The following FER variants were observed in gnomAD, a reference collection of about 807,000 sequenced individuals.
The protein encoded by FER is FER tyrosine kinase, also known as tyrosine-protein kinase Fer.
Under a neutral mutation model 111.0 loss-of-function variants are expected in FER, and 63 were observed. The observed-to-expected ratio is 0.57, with a 90% CI of 0.46 to 0.70. The LOEUF (loss-of-function observed/expected upper bound fraction) is 0.70. Ranked by LOEUF, FER falls within the 30% of genes least tolerant of loss-of-function variation. The pLI, the probability that FER is intolerant of heterozygous loss-of-function variation, is 0.00. For missense variants in FER, 914 were observed against 954.0 expected (o/e 0.96, Z 0.55); for synonymous variants, 327 against 313.9 (o/e 1.04, Z -0.44).
At chr5:109,047,651 T>A (rs1772181218) in intron 16 of FER, among the ~76,000 whole-genome samples, 1 of 152,146 alleles carries the variant, frequency 6.6e-6, no homozygotes, top group Admixed American at 6.6e-5. Context: ...CTCAGGCTGG[T>A]CTTGAACTTC....
chr5:109,145,259 G>A (rs543955187), intron 17 of FER, among the ~76,000 whole-genome samples: 1 of 151,992 alleles, frequency 6.6e-6, no homozygotes, highest in Non-Finnish European at 1.5e-5. Context: ...CTCTCACTTG[G>A]ACTTGCACAG....
At chr5:108,833,348 A>G (rs1026823501) in intron 4 of FER, among the ~76,000 whole-genome samples, 3 of 152,160 alleles carry the variant, frequency 2.0e-5, no homozygotes, top group South Asian at 2.1e-4. Flanking sequence ...CTACATTCGG[A>G]GTCTGTCTCT....
intron 5 of FER, among the ~76,000 whole-genome samples, chr5:108,843,528 ATT>A (rs1269283630): frequency 1.4e-5 from 2 of 140,354 alleles, no homozygotes; most frequent in African/African-American, 2.6e-5. Flanking sequence ...TGAAAGTTGA[ATT>A]TTTTTTTTTT....
chr5:108,859,954 T>TATTATTATTATTATC (rs1763352704), intron 5 of FER, among the ~76,000 whole-genome samples: 2 of 149,286 alleles, frequency 1.3e-5, no homozygotes, highest in African/African-American at 4.9e-5. Flanking sequence ...TTATTATTAT[T>TATTATTATTATTATC]ATTTTGAGAT....
intron 6 of FER, among the ~76,000 whole-genome samples, chr5:108,869,114 A>G (rs1286755262): frequency 1.3e-5 from 2 of 152,130 alleles, no homozygotes; most frequent in African/African-American, 2.4e-5. Context: ...ATAAATGCCA[A>G]AGTAACTGTT....
rs899968134 is a variant in FER at position 108,767,156 on chromosome 5, C to A, written c.-205-937C>A. On this transcript the variant is annotated intron_variant, in intron 1 of 19. Coordinates refer to ENST00000281092, the MANE Select transcript of FER (RefSeq NM_005246.4). ...CTGTCTGTACTAAAAATGCAAGAAT[C>A]AGCTGGGCGTGGTGGTGCATGCCTG... Among the ~76,000 whole-genome samples the A allele has an allele frequency of 3.3e-5, 5 of 152,100 alleles. 1 individual carries two copies. The Middle Eastern group carries it at 0.014, about 414-fold the overall frequency.
chr5:109,016,833 G>T (rs562728542), intron 13 of FER, among the ~76,000 whole-genome samples: 1 of 152,070 alleles, frequency 6.6e-6, no homozygotes, highest in African/African-American at 2.4e-5. Context: ...GTCTTTATAG[G>T]TAGGGCTTTT....
intron 5 of FER, among the ~76,000 whole-genome samples, chr5:108,849,823 G>A (rs1371432001): frequency 2.6e-5 from 4 of 152,132 alleles, no homozygotes; most frequent in African/African-American, 4.8e-5. Flanking sequence ...AGGAGAAAAT[G>A]TAGAACATTG....
intron 17 of FER, among the ~76,000 whole-genome samples, chr5:109,130,212 A>G (rs1752211907): frequency 1.3e-5 from 2 of 152,096 alleles, no homozygotes; most frequent in Non-Finnish European, 1.5e-5. Context: ...GTGAAAATAC[A>G]TCTGATTAAT....
rs567607980 is a variant in FER at position 109,055,519 on chromosome 5, G to A, written c.1924+8321G>A. On this transcript the variant is annotated intron_variant, in intron 16 of 19. Transcript: ENST00000281092. ...TGGGCAGAGGAGGCTGGATGCAGTG[G>A]CTCATTCCTGTAATCCCAGCACTTT... is the stretch of plus-strand genomic sequence containing the variant. 1.1e-4 allele frequency among the ~76,000 whole-genome samples: 17 copies of A among 152,202 alleles called. No individual in the cohort carries two copies. In the East Asian group the frequency reaches 2.7e-3, roughly 24 times the overall value.
At chr5:109,097,218 C>A (rs980592270) in intron 16 of FER, among the ~76,000 whole-genome samples, 1 of 151,832 alleles carries the variant, frequency 6.6e-6, no homozygotes. Context: ...ATGTCCATGT[C>A]TTTTCACCAA....
chr5:108,793,519 C>CGGGGGGGGG (rs144848588), intron 2 of FER, among the ~76,000 whole-genome samples: 34 of 102,924 alleles, frequency 3.3e-4, no homozygotes, highest in South Asian at 5.9e-4. Flanking sequence ...TTTGGCGGGG[C>CGGGGGGGGG]GGGGGGGGTG....
chr5:109,182,424 G>A (rs1049363119), intron 18 of FER, among the ~76,000 whole-genome samples: 2 of 152,128 alleles, frequency 1.3e-5, no homozygotes, highest in African/African-American at 2.4e-5. Context: ...AAATGGCAGA[G>A]CTGCTATTTT....
At chr5:108,993,937 G>T (rs951848489) in intron 13 of FER, among the ~76,000 whole-genome samples, 1 of 152,104 alleles carries the variant, frequency 6.6e-6, no homozygotes, top group African/African-American at 2.4e-5. Context: ...TTTCAGAAGT[G>T]TCTGTTCATG....
chr5:108,826,240 A>T (rs1162255346), intron 3 of FER, among the ~76,000 whole-genome samples: 1 of 152,170 alleles, frequency 6.6e-6, no homozygotes, highest in Non-Finnish European at 1.5e-5. Context: ...AAAATTATTG[A>T]TTCGTGTATG....
intron 16 of FER, among the ~76,000 whole-genome samples, chr5:109,088,537 G>GAA (rs1777811738): frequency 2.0e-5 from 3 of 151,988 alleles, no homozygotes; most frequent in Admixed American, 6.6e-5. Flanking sequence ...TTGAGCATTG[G>GAA]GGTTGAGGTG....
At chr5:108,853,206 ATTTG>A (rs2150192436) in intron 5 of FER, among the ~76,000 whole-genome samples, 1 of 152,282 alleles carries the variant, frequency 6.6e-6, no homozygotes, top group South Asian at 2.1e-4. Context: ...TTAAAAATTG[ATTTG>A]TTTAAATTTC....
At chr5:109,099,061 G>A (rs1747883579) in intron 16 of FER, among the ~76,000 whole-genome samples, 1 of 151,594 alleles carries the variant, frequency 6.6e-6, no homozygotes, top group African/African-American at 2.4e-5. Context: ...TCTAGAAATG[G>A]CAAATAAAAT....
At chr5:108,770,813 A>T (rs536854872) in intron 2 of FER, among the ~76,000 whole-genome samples, 5 of 152,282 alleles carry the variant, frequency 3.3e-5, no homozygotes, top group African/African-American at 1.2e-4. Flanking sequence ...GGATATTTAT[A>T]TTCAGCTTCT....
Sources: allele counts gnomAD v4.1 joint callset (sites outside exome capture counted in the v4.1 genomes callset), GRCh38; gene constraint gnomAD v4.1.1; transcripts MANE v1.5; gene names NCBI Gene and HGNC (gene_info 2026-07-23, HGNC 2026-07-21).